The following LRP1B variants were observed in gnomAD, a reference collection of about 807,000 sequenced individuals.
LRP1B encodes the protein low-density lipoprotein receptor-related protein 1B.
LRP1B carries 217 observed loss-of-function variants against 556.6 expected under a neutral mutation model. The observed-to-expected ratio is 0.39, with a 90% CI of 0.35 to 0.44. The LOEUF (loss-of-function observed/expected upper bound fraction) is 0.44. Ranked by LOEUF, LRP1B falls within the 20% of genes least tolerant of loss-of-function variation. The pLI, the probability that LRP1B is intolerant of heterozygous loss-of-function variation, is 1.00. For missense variants in LRP1B, 5,053 were observed against 5,620.8 expected (o/e 0.90, Z 3.23); for synonymous variants, 2,047 against 1,865.8 (o/e 1.10, Z -2.50).
chr2:141,134,208 G>T (rs531965216), intron 7 of LRP1B, among the ~76,000 whole-genome samples: 1 of 151,544 alleles, frequency 6.6e-6, no homozygotes, highest in Non-Finnish European at 1.5e-5. Flanking sequence ...CCTCTGTATC[G>T]TATCTATTTT....
intron 77 of LRP1B, among the ~76,000 whole-genome samples, chr2:140,348,592 G>C (rs1681802940): frequency 6.6e-6 from 1 of 152,000 alleles, no homozygotes. Flanking sequence ...GCAAAACACA[G>C]GAAGTCTGGA....
intron 2 of LRP1B, among the ~76,000 whole-genome samples, chr2:141,751,362 A>G (rs1694104652): frequency 1.3e-5 from 2 of 152,174 alleles, no homozygotes; most frequent in Admixed American, 6.5e-5. Context: ...AAAGAATGCT[A>G]TGAATTCATC....
chr2:141,678,314 C>T (rs570630819), intron 2 of LRP1B, among the ~76,000 whole-genome samples: 1 of 152,170 alleles, frequency 6.6e-6, no homozygotes, highest in Non-Finnish European at 1.5e-5. Flanking sequence ...ACTAAAGAGT[C>T]TGTCAAATAG....
At chr2:140,790,374 T>G (rs759151860) in intron 32 of LRP1B, among the ~76,000 whole-genome samples, 6 of 152,152 alleles carry the variant, frequency 3.9e-5, no homozygotes, top group Non-Finnish European at 5.9e-5. Flanking sequence ...GAGAAAAAAT[T>G]GAAAAGCTGA....
Position 140,461,069 on chromosome 2 carries a change from GAA to G in LRP1B, c.9626-3420_9626-3419del, listed in dbSNP as rs1217803995. Among the ~76,000 whole-genome samples, 504 of 72,366 alleles carry G rather than the reference GAA, an allele frequency of 7.0e-3. 7 individuals are homozygous for G. Among genetic ancestry groups the G allele is most frequent in the African/African-American group, 0.023 (462 of 19,934 alleles). 47.5% of individuals were successfully genotyped at this position (72,366 alleles called of 152,430 possible). On this transcript the variant is annotated intron_variant, in intron 60 of 90. Coordinates refer to ENST00000389484, the MANE Select transcript of LRP1B (RefSeq NM_018557.3). ...CAGAGCAAGAGTCTGACTCAAAAAAGAAAAAAAAAAAAAAAGAAAGAAAGAAA... is the reference window on the plus strand; with the variant it reads ...CAGAGCAAGAGTCTGACTCAAAAAAGAAAAAAAAAAAAAGAAAGAAAGAAA...
chr2:141,984,086 C>T (rs1331169295), intron 1 of LRP1B, among the ~76,000 whole-genome samples: 1 of 151,968 alleles, frequency 6.6e-6, no homozygotes, highest in Admixed American at 6.6e-5. Flanking sequence ...AAATAAAAAG[C>T]CCATTTAGTC....
chr2:140,507,307 A>G (rs1689460150), intron 52 of LRP1B, among the ~76,000 whole-genome samples: 1 of 152,214 alleles, frequency 6.6e-6, no homozygotes, highest in Non-Finnish European at 1.5e-5. Context: ...GTAAAGTAAT[A>G]AAAATGTTGT....
chr2:140,564,136 G>A (rs1437980865), intron 43 of LRP1B, among the ~76,000 whole-genome samples: 1 of 152,106 alleles, frequency 6.6e-6, no homozygotes, highest in African/African-American at 2.4e-5. Context: ...TTGAAATTGG[G>A]TAATGGAAGA....
intron 51 of LRP1B, among the ~76,000 whole-genome samples, 170 bp from the exon 52 acceptor site, chr2:140,510,226 C>A (rs1689595733): frequency 6.6e-6 from 1 of 152,182 alleles, no homozygotes; most frequent in Non-Finnish European, 1.5e-5. Context: ...GTTGTCCACA[C>A]ATTTTTATCT....
intron 43 of LRP1B, among the ~76,000 whole-genome samples, chr2:140,563,214 A>G (rs1310954304): frequency 6.6e-6 from 1 of 151,992 alleles, no homozygotes; most frequent in African/African-American, 2.4e-5. Context: ...ACACACACAT[A>G]CACACATGCA....
At chr2:140,386,959 G>C (rs1339184336) in intron 66 of LRP1B, among the ~76,000 whole-genome samples, 1 of 152,146 alleles carries the variant, frequency 6.6e-6, no homozygotes. Flanking sequence ...GATTCAGTAG[G>C]TCTGGGTTTC....
At chr2:140,755,344 A>T (rs899984852) in intron 35 of LRP1B, among the ~76,000 whole-genome samples, 5 of 152,038 alleles carry the variant, frequency 3.3e-5, no homozygotes, top group African/African-American at 1.2e-4. Context: ...CCTGATAGCA[A>T]AGCCAATGAT....
At chr2:140,972,860 A>G (rs983961879) in intron 18 of LRP1B, among the ~76,000 whole-genome samples, 2 of 151,148 alleles carry the variant, frequency 1.3e-5, no homozygotes, top group African/African-American at 4.8e-5. Context: ...ATAGTTTGTC[A>G]GTATTTATAA....
intron 41 of LRP1B, among the ~76,000 whole-genome samples, chr2:140,659,795 A>C (rs1380976796): frequency 1.3e-5 from 2 of 152,104 alleles, no homozygotes; most frequent in Non-Finnish European, 2.9e-5. Flanking sequence ...ACAAAACTTT[A>C]TATTAGGGTT....
chr2:141,040,337 A>T (rs1373320668), intron 11 of LRP1B, among the ~76,000 whole-genome samples: 1 of 152,094 alleles, frequency 6.6e-6, no homozygotes, highest in East Asian at 1.9e-4. Context: ...GAACACTCTA[A>T]TGTAATTCAT....
chr2:141,592,687 A>T (rs998119921), intron 2 of LRP1B, among the ~76,000 whole-genome samples: 4 of 152,178 alleles, frequency 2.6e-5, no homozygotes, highest in Admixed American at 2.0e-4. Flanking sequence ...CTCATTAAAA[A>T]TGAGGCAAGA....
intron 41 of LRP1B, among the ~76,000 whole-genome samples, chr2:140,698,406 T>C (rs1241684186): frequency 6.6e-6 from 1 of 152,136 alleles, no homozygotes; most frequent in Non-Finnish European, 1.5e-5. Flanking sequence ...GTTAGAATAA[T>C]GCAACAATTG....
At chr2:141,637,569 C>T (rs1367891858) in intron 2 of LRP1B, among the ~76,000 whole-genome samples, 1 of 152,174 alleles carries the variant, frequency 6.6e-6, no homozygotes, top group East Asian at 1.9e-4. Flanking sequence ...TGAATAAGCT[C>T]TCACTTCATG....
intron 84 of LRP1B, 39 bp from the exon 85 acceptor site, chr2:140,274,637 T>G (rs1232860987): frequency 6.4e-7 from 1 of 1,552,550 alleles, no homozygotes; most frequent in Non-Finnish European, 8.8e-7. Context: ...AAAATTATAT[T>G]ACAGGACATT....
Sources: allele counts gnomAD v4.1 joint callset (sites outside exome capture counted in the v4.1 genomes callset), GRCh38; gene constraint gnomAD v4.1.1; transcripts MANE v1.5; gene names NCBI Gene and HGNC (gene_info 2026-07-23, HGNC 2026-07-21).